Variants in F5 observed in about 807,000 individuals in gnomAD.
F5 encodes activated protein c cofactor.
Under a neutral mutation model 216.4 loss-of-function variants are expected in F5, and 138 were observed. The ratio of observed to expected loss-of-function variants is 0.64; its 90% CI spans 0.56 to 0.73. The LOEUF (loss-of-function observed/expected upper bound fraction) is 0.73, where lower values mean the gene tolerates loss of function less well. Ranked by LOEUF, F5 falls within the 30% of genes least tolerant of loss-of-function variation. F5 has a pLI of 0.00. For synonymous variants in F5, 916 were observed against 930.7 expected, an observed-to-expected ratio of 0.98 and a Z score of 0.29; for missense variants, 2,403 against 2,674.0, an observed-to-expected ratio of 0.90 and a Z score of 2.24.
At position 169,541,725 on chromosome 1, in the gene F5, G is replaced by A. The variant is rs775534916; in HGVS notation, c.3365C>T (p.Pro1122Leu). ...SCPPGLYQTVPPEEHYQTFPI... is the reference protein window; with the variant it reads ...SCPPGLYQTVLPEEHYQTFPI... Reference sequence around the variant, plus strand: ...GAATGTTTGATAGTGTTCCTCTGGGGGCACTGTCTGATAAAGACCTGGAGG... The same window carrying A: ...GAATGTTTGATAGTGTTCCTCTGGGAGCACTGTCTGATAAAGACCTGGAGG... Residue 1122 changes from proline (P) to leucine (L), a missense_variant, in exon 13 of 25, where the codon CCC becomes CTC. Physicochemically the swap from Pro to Leu is moderately conservative, Grantham distance 98. Transcript: ENST00000367797. 5 of 1,613,986 alleles carry A rather than the reference G, an allele frequency of 3.1e-6. No individual in the cohort carries two copies. Among genetic ancestry groups the A allele is most frequent in the Non-Finnish European group, 4.2e-6 (5 of 1,179,956 alleles).
At chr1:169,535,301 A>G (rs1225029605) in intron 14 of F5, among the ~76,000 whole-genome samples, 1 of 152,166 alleles carries the variant, frequency 6.6e-6, no homozygotes, top group Non-Finnish European at 1.5e-5. Flanking sequence ...GTATGTCTCA[A>G]TGCAACATTG....
At chr1:169,566,045 C>T (rs933529214) in intron 3 of F5, among the ~76,000 whole-genome samples, 8 of 152,056 alleles carry the variant, frequency 5.3e-5, no homozygotes, top group African/African-American at 1.9e-4. Flanking sequence ...TGAAAGATTA[C>T]AAAAGAGCTT....
intron 8 of F5, among the ~76,000 whole-genome samples, chr1:169,551,755 A>T (rs2298909): frequency 0.3 from 45,695 of 152,046 alleles, 7,203 homozygotes; most frequent in Admixed American, 0.44. Flanking sequence ...CTGTAGATTA[A>T]CTACACTCTA....
chr1:169,527,958 A>G lies in F5; in HGVS notation c.5556T>C (p.Asn1852=), dbSNP rs1181514129. The change falls in exon 17 of 25, where the codon AAT becomes AAC. Residue 1852 remains asparagine (N), a synonymous_variant. Coordinates refer to ENST00000367797, the MANE Select transcript of F5 (RefSeq NM_000130.5). ...CCCCTAACTGGTGCTGTTTATTGCC[A>G]TTTTCCAGCAAGGTCTGGCCGTGAA... ...VHFHGQTLLE[N]GNKQHQLGVW... 6.2e-7 allele frequency: 1 copy of G among 1,613,648 alleles called. No homozygotes were observed. Among genetic ancestry groups the G allele is most frequent in the South Asian group, 1.1e-5 (1 of 91,078 alleles).
intron 1 of F5, among the ~76,000 whole-genome samples, chr1:169,585,191 A>G (rs939482635): frequency 1.3e-5 from 2 of 152,196 alleles, no homozygotes; most frequent in Non-Finnish European, 2.9e-5. Flanking sequence ...ATTTTTGAGA[A>G]GGAGGGATCT....
chr1:169,573,971 AT>A (rs1384671010), intron 2 of F5, among the ~76,000 whole-genome samples: 1 of 152,198 alleles, frequency 6.6e-6, no homozygotes, highest in Non-Finnish European at 1.5e-5. Context: ...TGGATCAAAA[AT>A]ATTCAAAAAA....
intron 3 of F5, among the ~76,000 whole-genome samples, chr1:169,565,525 G>A (rs1354371537): frequency 2.0e-5 from 3 of 152,122 alleles, no homozygotes; most frequent in Non-Finnish European, 4.4e-5. Flanking sequence ...GCTCATGGCT[G>A]TGTGTTGTTA....
Position 169,541,102 on chromosome 1 carries a change from G to T in F5, c.3988C>A (p.Leu1330Ile), listed in dbSNP as rs113604388. 1.9e-6 allele frequency: 3 copies of T among 1,588,716 alleles called. No homozygotes were observed. The highest frequency in any genetic ancestry group is 2.6e-6 in the Non-Finnish European group (3 of 1,166,466). ...PISPDLSHTT[L>I]SLDFSQTNLS... Reference sequence around the variant, plus strand: ...TTTGTCTGGCTGAAGTCTAGAGAAAGGGTTGTATGGCTGAGGTCTGGAGAA... The same window carrying T: ...TTTGTCTGGCTGAAGTCTAGAGAAATGGTTGTATGGCTGAGGTCTGGAGAA... The change falls in exon 13 of 25, where the codon CTT becomes ATT. Residue 1330 changes from leucine to isoleucine, a missense_variant. Physicochemically the swap from Leu to Ile is conservative, Grantham distance 5. Coordinates refer to ENST00000367797, the MANE Select transcript of F5 (RefSeq NM_000130.5).
chr1:169,541,608 C>T lies in F5; in HGVS notation c.3482G>A (p.Arg1161Gln), dbSNP rs368369078. The T allele has an allele frequency of 1.9e-5, 31 of 1,613,984 alleles. No individual in the cohort carries two copies. Among genetic ancestry groups the T allele is most frequent in the African/African-American group, 1.3e-4 (10 of 74,902 alleles). ...PELSEMLEYD[R>Q]SHKSFPTDIS... ...ATCTGTGGGGAAGGACTTGTGACTT[C>T]GGTCATACTCAAGCATTTCACTGAG... Residue 1161 changes from arginine to glutamine, a missense_variant, in exon 13 of 25, where the codon CGA (arginine) becomes CAA (glutamine). Around this residue, in one of 4 missense-constraint regions of F5, gnomAD observed 1,425 missense variants for 1,554.8 expected, o/e 0.92. Transcript: ENST00000367797.
rs1659845365 is a variant in F5 at position 169,541,381 on chromosome 1, G to T, written c.3709C>A (p.His1237Asn). Residue 1237 changes from histidine (H) to asparagine (N), a missense_variant, in exon 13 of 25, where the codon CAT (histidine) becomes AAT (asparagine). Coordinates refer to ENST00000367797, the MANE Select transcript of F5 (RefSeq NM_000130.5). ...CTGAGGTCTGGAGAAAGGGTTGTAT[G>T]GCTGAGGTCTGGAGAAATGGGCATC... ...GQMPISPDLS[H>N]TTLSPDLSHT... The T allele has an allele frequency of 6.2e-7, 1 of 1,612,276 alleles. No individual in the cohort carries two copies. Among genetic ancestry groups the T allele is most frequent in the Non-Finnish European group, 8.5e-7 (1 of 1,179,258 alleles).
rs966237832 is a variant in F5 at position 169,559,304 on chromosome 1, A to G, written c.587-8T>C. On this transcript the variant is annotated splice_region_variant and splice_polypyrimidine_tract_variant and intron_variant, in intron 4 of 24. Transcript: ENST00000367797. ...CACCCTCAGTTAGGGTCCCTATGAA[A>G]GGAAAGACATGTTTTCAGTAGCACT... 5.6e-6 allele frequency: 9 copies of G among 1,613,480 alleles called. No homozygotes were observed. Among genetic ancestry groups the G allele is most frequent in the Non-Finnish European group, 7.6e-6 (9 of 1,179,604 alleles).
In F5 at chr1:169,530,915, C is replaced by A. The variant is rs765262751; in HGVS notation, c.5079G>T (p.Trp1693Cys). 6.8e-6 allele frequency: 11 copies of A among 1,613,652 alleles called. No individual in the cohort carries two copies. Among genetic ancestry groups the A allele is most frequent in the Middle Eastern group, 3.3e-4 (2 of 6,082 alleles). The change falls in exon 15 of 25, where the codon TGG (tryptophan) becomes TGT (cysteine). Residue 1693 changes from tryptophan (W) to cysteine (C), a missense_variant. Around this residue, in one of 4 missense-constraint regions of F5, gnomAD observed 659 missense variants for 787.9 expected, o/e 0.84. Transcript: ENST00000367797. ...GKTYEDDSPE[W>C]FKEDNAVQPN... Reference sequence around the variant, plus strand: ...GCTGAACAGCATTATCTTCCTTAAACCATTCAGGAGAGTCATCTTCATAAG... The same window carrying A: ...GCTGAACAGCATTATCTTCCTTAAAACATTCAGGAGAGTCATCTTCATAAG...
At position 169,586,456 on chromosome 1, in the gene F5, A is replaced by G. The variant is rs1661107213; in HGVS notation, c.-70T>C. On this transcript the variant is annotated 5_prime_UTR_variant, in exon 1 of 25. Transcript: ENST00000367797. ...GGCAGCGCTTGCCGAGCTGCTAACCACACTCCGGGCTGTCCCAGCTGCAAT... is the reference window on the plus strand; with the variant it reads ...GGCAGCGCTTGCCGAGCTGCTAACCGCACTCCGGGCTGTCCCAGCTGCAAT... 3 of 1,562,332 alleles carry G rather than the reference A, an allele frequency of 1.9e-6. No homozygotes were observed. Among genetic ancestry groups the G allele is most frequent in the South Asian group, 2.3e-5 (2 of 86,950 alleles).
In F5 at chr1:169,512,386, C is replaced by A. The variant is rs900102542; in HGVS notation, c.*1927G>T. 2.6e-5 allele frequency among the ~76,000 whole-genome samples: 4 copies of A among 152,012 alleles called. No individual in the cohort carries two copies. The highest frequency in any genetic ancestry group is 2.9e-5 in the Non-Finnish European group (2 of 67,976). On this transcript the variant is annotated 3_prime_UTR_variant, in exon 25 of 25. Coordinates refer to ENST00000367797, the MANE Select transcript of F5 (RefSeq NM_000130.5). ...AAATTCTAGATCAAGAGAGATCCTG[C>A]CCAATTTCAGAGTAGAGAAGCCCAG...
chr1:169,522,987 T>C (rs1659346259), intron 21 of F5, among the ~76,000 whole-genome samples: 1 of 151,492 alleles, frequency 6.6e-6, no homozygotes, highest in Non-Finnish European at 1.5e-5. Context: ...TTGTGGGGTT[T>C]TGAAGTTTCA....
chr1:169,525,874 C>T, intron 18 of F5, 27 bp downstream of exon 18: 1 of 1,537,306 alleles, frequency 6.5e-7, no homozygotes, highest in Non-Finnish European at 9.0e-7. Context: ...TCCTGCCAAA[C>T]CAAATATCAC....
At position 169,556,836 on chromosome 1, in the gene F5, G is replaced by C; in HGVS notation, c.762C>G (p.Ser254Arg). The C allele has an allele frequency of 6.2e-7, 1 of 1,614,078 alleles. No homozygotes were observed. Among genetic ancestry groups the C allele is most frequent in the Non-Finnish European group, 8.5e-7 (1 of 1,179,988 alleles). Residue 254 changes from serine to arginine, a missense_variant, in exon 6 of 25, where the codon AGC (serine) becomes AGG (arginine). Around this residue, in one of 4 missense-constraint regions of F5, gnomAD observed 1,425 missense variants for 1,554.8 expected, o/e 0.92. Coordinates refer to ENST00000367797, the MANE Select transcript of F5 (RefSeq NM_000130.5). Reference protein sequence around the residue: ...DITVCAHDHISWHLLGMSSGP... With the variant: ...DITVCAHDHIRWHLLGMSSGP... The stretch of plus-strand genomic sequence containing the variant: ...CCGAGCTCATTCCCAGCAGATGCCA[G>C]CTGATGTGGTCATGGGCACAAACTG...
chr1:169,582,090 C>G (rs1040176234), intron 2 of F5, among the ~76,000 whole-genome samples: 1 of 152,134 alleles, frequency 6.6e-6, no homozygotes, highest in South Asian at 2.1e-4. Context: ...AATAAAAATT[C>G]AAACACTTAT....
intron 15 of F5, 57 bp from the exon 16 acceptor site, chr1:169,529,875 G>C: frequency 7.1e-7 from 1 of 1,406,238 alleles, no homozygotes; most frequent in South Asian, 1.2e-5. Context: ...TTGCTCTTCT[G>C]ATAATCACTC....
Sources: allele counts gnomAD v4.1 joint callset (sites outside exome capture counted in the v4.1 genomes callset), GRCh38; gene constraint gnomAD v4.1.1; regional missense constraint gnomAD v4.1.1; transcripts MANE v1.5; gene names NCBI Gene and HGNC (gene_info 2026-07-23, HGNC 2026-07-21).